The following SVEP1 variants were observed in gnomAD, a reference collection of about 807,000 sequenced individuals.
SVEP1 encodes sushi, von Willebrand factor type A, EGF and pentraxin domain containing 1.
Under a neutral mutation model 367.3 loss-of-function variants are expected in SVEP1, and 164 were observed. That is an observed-to-expected ratio of 0.45 (90% confidence interval 0.39 to 0.51). SVEP1 has a LOEUF of 0.51. SVEP1 is among the 20% of genes least tolerant of loss of function. SVEP1 has a pLI of 0.00. For synonymous variants in SVEP1, 1,666 were observed against 1,611.6 expected (o/e 1.03, Z -0.81); for missense variants, 4,117 against 4,425.3 (o/e 0.93, Z 1.98).
intron 41 of SVEP1, among the ~76,000 whole-genome samples, chr9:110,387,767 C>CTAACAATGG (rs1392243796): frequency 6.6e-6 from 1 of 152,080 alleles, no homozygotes; most frequent in African/African-American, 2.4e-5. Context: ...TTGTAAGTTG[C>CTAACAATGG]TAACAATGGC....
intron 7 of SVEP1, among the ~76,000 whole-genome samples, chr9:110,497,218 T>G (rs1300537650): frequency 6.6e-6 from 1 of 152,214 alleles, no homozygotes. Flanking sequence ...CCATTGCCTT[T>G]CTTTTACCTG....
intron 18 of SVEP1, among the ~76,000 whole-genome samples, chr9:110,464,262 T>C (rs1034244682): frequency 2.0e-5 from 3 of 152,252 alleles, no homozygotes; most frequent in Non-Finnish European, 2.9e-5. Flanking sequence ...ACATGGTTTA[T>C]GCGTTTCAGT....
intron 31 of SVEP1, 26 bp downstream of exon 31, chr9:110,432,436 A>G: frequency 6.2e-7 from 1 of 1,600,418 alleles, no homozygotes; most frequent in South Asian, 1.1e-5. Flanking sequence ...ATAATCTCAT[A>G]TAGTAGTTGC....
chr9:110,479,633 A>T lies in SVEP1; in HGVS notation c.2487+2T>A. The T allele has an allele frequency of 6.2e-7, 1 of 1,603,050 alleles. No homozygotes were observed. Among genetic ancestry groups the T allele is most frequent in the Non-Finnish European group, 8.5e-7 (1 of 1,176,518 alleles). On this transcript the variant is annotated splice_donor_variant, in intron 13 of 47. Transcript: ENST00000374469. LOFTEE classifies it high-confidence loss of function. Reference sequence around the variant, plus strand: ...CACAATAAATGACCACTATTGATGTACCATTTTTCCCAGGGTCGTCTCAAA... The same window carrying T: ...CACAATAAATGACCACTATTGATGTTCCATTTTTCCCAGGGTCGTCTCAAA...
At chr9:110,437,639 CT>C (rs377518410) in intron 27 of SVEP1, among the ~76,000 whole-genome samples, 5,573 of 149,694 alleles carry the variant, frequency 0.037, 97 homozygotes, top group Middle Eastern at 0.061. Flanking sequence ...TTTAACTACT[CT>C]TTTTTTTTTA....
intron 30 of SVEP1, among the ~76,000 whole-genome samples, chr9:110,432,879 G>A (rs954425914): frequency 6.6e-6 from 1 of 152,120 alleles, no homozygotes; most frequent in African/African-American, 2.4e-5. Flanking sequence ...GATAAAGTTT[G>A]GATATTTGTC....
At chr9:110,501,551 T>C (rs1271884841) in intron 6 of SVEP1, among the ~76,000 whole-genome samples, 1 of 152,108 alleles carries the variant, frequency 6.6e-6, no homozygotes, top group Admixed American at 6.6e-5. Context: ...TGATTTTCAA[T>C]CCCAATATCT....
intron 39 of SVEP1, among the ~76,000 whole-genome samples, chr9:110,403,853 C>CA (rs1554712334): frequency 6.9e-6 from 1 of 144,192 alleles, no homozygotes; most frequent in African/African-American, 2.6e-5. Flanking sequence ...TAATAATACA[C>CA]TTTTTTTTTT....
chr9:110,380,283 A>G (rs1185642448), intron 43 of SVEP1, among the ~76,000 whole-genome samples: 5 of 152,208 alleles, frequency 3.3e-5, no homozygotes, highest in African/African-American at 9.6e-5. Context: ...GATTGGTGTC[A>G]GGATTCTAAT....
At chr9:110,412,605 G>A (rs1828059750) in intron 36 of SVEP1, among the ~76,000 whole-genome samples, 1 of 151,756 alleles carries the variant, frequency 6.6e-6, no homozygotes, top group Admixed American at 6.6e-5. Context: ...GAGTGAACAG[G>A]CAACCTACAA....
At chr9:110,447,805 G>A (rs928433963) in intron 24 of SVEP1, among the ~76,000 whole-genome samples, 3 of 152,170 alleles carry the variant, frequency 2.0e-5, no homozygotes, top group African/African-American at 7.2e-5. Context: ...GTTCATAGCA[G>A]GATCATTCTA....
chr9:110,440,608 GA>G (rs777953970), intron 27 of SVEP1, among the ~76,000 whole-genome samples: 9 of 152,326 alleles, frequency 5.9e-5, no homozygotes, highest in South Asian at 4.1e-4. Context: ...AGAACTGAAA[GA>G]AAAAGCTCAG....
At chr9:110,556,653 C>A (rs770823228) in intron 1 of SVEP1, among the ~76,000 whole-genome samples, 14 of 152,064 alleles carry the variant, frequency 9.2e-5, no homozygotes, top group Non-Finnish European at 1.6e-4. Context: ...TGCCACCACG[C>A]CCAGCTAATT....
intron 36 of SVEP1, among the ~76,000 whole-genome samples, chr9:110,423,070 T>G (rs1251906366): frequency 7.5e-6 from 1 of 132,526 alleles, no homozygotes; most frequent in East Asian, 2.1e-4. Context: ...TGTATACATA[T>G]GTAACTAACC....
At chr9:110,478,150 G>T (rs755937844) in intron 13 of SVEP1, among the ~76,000 whole-genome samples, 1 of 152,130 alleles carries the variant, frequency 6.6e-6, no homozygotes, top group East Asian at 1.9e-4. Context: ...TGCCTGGAAC[G>T]CTCTTCCCCT....
chr9:110,539,584 G>A (rs7045746), intron 3 of SVEP1, among the ~76,000 whole-genome samples: 108,546 of 151,252 alleles, frequency 0.72, 39,794 homozygotes, highest in Admixed American at 0.79. Context: ...AATATTATAA[G>A]GGACAAACTA....
In SVEP1 at chr9:110,411,124, A is replaced by T; in HGVS notation, c.6587T>A (p.Ile2196Lys). 1 of 1,613,516 alleles carries T rather than the reference A, an allele frequency of 6.2e-7. No individual in the cohort carries two copies. Among genetic ancestry groups the T allele is most frequent in the Non-Finnish European group, 8.5e-7 (1 of 1,179,718 alleles). Residue 2196 changes from isoleucine to lysine, a missense_variant, in exon 37 of 48, where the codon ATA becomes AAA. By Grantham distance (102) the Ile-to-Lys change is moderately radical. Coordinates refer to ENST00000374469, the MANE Select transcript of SVEP1 (RefSeq NM_153366.4). ...ACAAGATACCGGGTGGCACGTCGGTATAGGACTACTCCACTGCCCTGTGGC... is the reference window on the plus strand; with the variant it reads ...ACAAGATACCGGGTGGCACGTCGGTTTAGGACTACTCCACTGCCCTGTGGC... ...CEATGQWSSP[I>K]PTCHPVSCGE...
In SVEP1 at chr9:110,494,682, C is replaced by T. The variant is rs913291322; in HGVS notation, c.1800+2133G>A. ...AGTACAAGGATGTTCATGACAGCAT[C>T]GTGAGTTCTTTCTTTTTATTCTTTC... On this transcript the variant is annotated intron_variant, in intron 8 of 47. Coordinates refer to ENST00000374469, the MANE Select transcript of SVEP1 (RefSeq NM_153366.4). Among the ~76,000 whole-genome samples the T allele has an allele frequency of 1.4e-4, 22 of 152,222 alleles. No individual in the cohort carries two copies. In the East Asian group the frequency reaches 3.9e-3, roughly 27 times the overall value.
At chr9:110,544,549 A>T (rs941323328) in intron 3 of SVEP1, among the ~76,000 whole-genome samples, 12 of 152,234 alleles carry the variant, frequency 7.9e-5, no homozygotes, top group African/African-American at 2.4e-4. Context: ...CTAATAAGAT[A>T]TAAAAATATA....
Sources: allele counts gnomAD v4.1 joint callset (sites outside exome capture counted in the v4.1 genomes callset), GRCh38; gene constraint gnomAD v4.1.1; transcripts MANE v1.5; gene names NCBI Gene and HGNC (gene_info 2026-07-23, HGNC 2026-07-21).